ALG5: variants seen among roughly 807,000 people sequenced by gnomAD.
The protein encoded by ALG5 is dolichyl-phosphate beta-glucosyltransferase.
A neutral mutation model predicts 51.8 loss-of-function variants in ALG5; 26 were observed. That is an observed-to-expected ratio of 0.50 (90% confidence interval 0.37 to 0.70). ALG5 has a LOEUF of 0.70. Ranked by LOEUF, ALG5 falls within the 30% of genes least tolerant of loss-of-function variation. The pLI is 0.00. For synonymous variants in ALG5, 141 were observed against 136.1 expected (o/e 1.04, Z -0.25); for missense variants, 311 against 399.3 (o/e 0.78, Z 1.88).
intron 9 of ALG5, among the ~76,000 whole-genome samples, chr13:36,952,065 C>A (rs2058820494): frequency 6.6e-6 from 1 of 152,124 alleles, no homozygotes; most frequent in Non-Finnish European, 1.5e-5. Context: ...GGATTACAGG[C>A]ATGAGGCATG....
intron 8 of ALG5, among the ~76,000 whole-genome samples, chr13:36,962,145 C>G (rs1337460239): frequency 6.6e-6 from 1 of 152,156 alleles, no homozygotes. Flanking sequence ...TACCTAGAAA[C>G]TCTATTTGAT....
intron 6 of ALG5, among the ~76,000 whole-genome samples, chr13:36,977,458 C>T (rs374275771): frequency 1.3e-5 from 2 of 152,030 alleles, no homozygotes; most frequent in Non-Finnish European, 2.9e-5. Context: ...GGCACCATTG[C>T]ACCCCAGCCT....
chr13:36,995,291 C>T lies in ALG5; in HGVS notation c.238+134G>A, dbSNP rs1280161359. On this transcript the variant is annotated intron_variant, in intron 2 of 9. Transcript: ENST00000239891. Reference sequence around the variant, plus strand: ...ATTCACTTCCCTCTCTGCCGAACTACAACAATTATCAACTGTGTGCTCAAC... The same window carrying T: ...ATTCACTTCCCTCTCTGCCGAACTATAACAATTATCAACTGTGTGCTCAAC... 1.3e-5 allele frequency: 13 copies of T among 992,900 alleles called. No homozygotes were observed. The East Asian group carries it at 3.0e-4, about 23-fold the overall frequency. The allele number at this position is 992,900 out of a possible 1,614,324, so 61.5% of individuals were successfully genotyped here. A position where few individuals can be genotyped will look rare whatever the true frequency, so the allele number is the denominator to read the frequency against.
chr13:36,995,613 A>G lies in ALG5; in HGVS notation c.67-17T>C, dbSNP rs1448650223. On this transcript the variant is annotated splice_polypyrimidine_tract_variant and intron_variant, in intron 1 of 9. Transcript: ENST00000239891. ...GATGGAAATCTAAAAGCAGACATAC[A>G]TGTCTTTTACAAAACAGAAATTATG... 1.1e-5 allele frequency: 17 copies of G among 1,589,582 alleles called. No homozygotes were observed. Among genetic ancestry groups the G allele is most frequent in the Non-Finnish European group, 1.2e-5 (14 of 1,174,222 alleles).
chr13:36,982,424 G>C (rs1182238715), intron 6 of ALG5, among the ~76,000 whole-genome samples: 1 of 152,204 alleles, frequency 6.6e-6, no homozygotes, highest in South Asian at 2.1e-4. Context: ...TTAGATTTAA[G>C]AGTCAGCAAA....
intron 8 of ALG5, among the ~76,000 whole-genome samples, chr13:36,964,335 A>C (rs140250150): frequency 9.7e-4 from 147 of 152,248 alleles, no homozygotes; most frequent in Middle Eastern, 6.8e-3. Context: ...GTTTGCAAAG[A>C]CCTTGTGGGC....
intron 6 of ALG5, among the ~76,000 whole-genome samples, chr13:36,973,125 T>C (rs1397152829): frequency 7.0e-6 from 1 of 143,288 alleles, no homozygotes; most frequent in East Asian, 2.0e-4. Flanking sequence ...GTTAGTATAG[T>C]GGTGAGAAAA....
rs2058998866 is a variant in ALG5 at position 36,985,650 on chromosome 13, GCCCCTTTT to G, written c.530_537del (p.Glu177AlafsTer3). On this transcript the variant is annotated frameshift_variant, in exon 6 of 10. Coordinates refer to ENST00000239891, the MANE Select transcript of ALG5 (RefSeq NM_013338.5). LOFTEE classifies it high-confidence loss of function. ...ACAGGCCAAGGCTGTAGATCATTTA[GCCCCTTTT>G]CTAATTTCTCAACATCTGGAAACTT... 1 of 1,613,248 alleles carries G rather than the reference GCCCCTTTT, an allele frequency of 6.2e-7. No homozygotes were observed. Among genetic ancestry groups the G allele is most frequent in the Non-Finnish European group, 8.5e-7 (1 of 1,179,644 alleles).
Position 36,991,341 on chromosome 13 carries a change from A to AT in ALG5, c.355-1766dup, listed in dbSNP as rs201209704. On this transcript the variant is annotated intron_variant, in intron 4 of 9. Coordinates refer to ENST00000239891, the MANE Select transcript of ALG5 (RefSeq NM_013338.5). The stretch of plus-strand genomic sequence containing the variant: ...TAATAGCAATGTGTACTACTGAAGC[A>AT]TTTTCTCATTCAACTATTACTTTAC... 2.6e-3 allele frequency among the ~76,000 whole-genome samples: 393 copies of AT among 152,322 alleles called. 3 individuals are homozygous for AT. The highest frequency in any genetic ancestry group is 8.8e-3 in the African/African-American group (367 of 41,570).
chr13:36,987,333 G>A (rs1285039048), intron 5 of ALG5, among the ~76,000 whole-genome samples: 1 of 152,144 alleles, frequency 6.6e-6, no homozygotes, highest in Non-Finnish European at 1.5e-5. Context: ...ACATAGTTTG[G>A]ATCTGTGTCC....
intron 8 of ALG5, among the ~76,000 whole-genome samples, chr13:36,964,972 G>T (rs1338865296): frequency 6.6e-6 from 1 of 151,940 alleles, no homozygotes; most frequent in Admixed American, 6.6e-5. Flanking sequence ...GAAGAAGGTG[G>T]GGTGAGGAGT....
chr13:36,969,736 T>C (rs2058912671), intron 7 of ALG5, among the ~76,000 whole-genome samples: 1 of 152,044 alleles, frequency 6.6e-6, no homozygotes, highest in African/African-American at 2.4e-5. Context: ...GGTTTCACCA[T>C]GTTGGCCAGG....
intron 9 of ALG5, among the ~76,000 whole-genome samples, chr13:36,951,627 C>T (rs2058818231): frequency 6.6e-6 from 1 of 152,148 alleles, no homozygotes; most frequent in African/African-American, 2.4e-5. Context: ...AAATTCTATA[C>T]AGCCAGAGCT....
At chr13:36,978,756 T>C (rs999223827) in intron 6 of ALG5, among the ~76,000 whole-genome samples, 13 of 149,776 alleles carry the variant, frequency 8.7e-5, no homozygotes, top group African/African-American at 3.2e-4. Flanking sequence ...CTACTAAAAA[T>C]ACAAAAAAAG....
intron 8 of ALG5, among the ~76,000 whole-genome samples, chr13:36,957,887 A>G (rs1255160519): frequency 6.6e-6 from 1 of 152,058 alleles, no homozygotes; most frequent in East Asian, 1.9e-4. Flanking sequence ...CTTCCCTCTA[A>G]TTCCGCATCC....
At chr13:36,977,894 T>A (rs1024939956) in intron 6 of ALG5, among the ~76,000 whole-genome samples, 1 of 149,982 alleles carries the variant, frequency 6.7e-6, no homozygotes, top group Non-Finnish European at 1.5e-5. Flanking sequence ...TCTCAGTATT[T>A]TTTTTTTTTT....
At chr13:36,965,835 T>A in intron 7 of ALG5, 109 bp from the exon 8 acceptor site, 1 of 914,934 alleles carries the variant, frequency 1.1e-6, no homozygotes, top group Non-Finnish European at 1.6e-6. Flanking sequence ...GACTGGTAGA[T>A]CTTACATAAG....
At position 36,985,652 on chromosome 13, in the gene ALG5, C is replaced by T. The variant is rs765508184; in HGVS notation, c.536G>A (p.Gly179Glu). ...AGGCCAAGGCTGTAGATCATTTAGC[C>T]CCTTTTCTAATTTCTCAACATCTGG... is the stretch of plus-strand genomic sequence containing the variant. Reference protein sequence around the residue: ...KFPDVEKLEKGLNDLQPWPNQ... With the variant: ...KFPDVEKLEKELNDLQPWPNQ... Residue 179 changes from glycine (G) to glutamate (E), a missense_variant, in exon 6 of 10, where the codon GGG becomes GAG. Coordinates refer to ENST00000239891, the MANE Select transcript of ALG5 (RefSeq NM_013338.5). 6.8e-6 allele frequency: 11 copies of T among 1,613,480 alleles called. No homozygotes were observed. The highest frequency in any genetic ancestry group is 6.6e-5 in the South Asian group (6 of 91,046).
chr13:36,981,611 A>G (rs2058979554), intron 6 of ALG5, among the ~76,000 whole-genome samples: 1 of 152,224 alleles, frequency 6.6e-6, no homozygotes, highest in African/African-American at 2.4e-5. Context: ...AAACAAAGCA[A>G]AAGAACACAG....
Sources: allele counts gnomAD v4.1 joint callset (sites outside exome capture counted in the v4.1 genomes callset), GRCh38; gene constraint gnomAD v4.1.1; transcripts MANE v1.5; gene names NCBI Gene and HGNC (gene_info 2026-07-23, HGNC 2026-07-21).